The following DLGAP2 variants were observed in gnomAD, a reference collection of about 807,000 sequenced individuals.
DLGAP2 encodes DLG associated protein 2, also known as disks large-associated protein 2.
Under a neutral mutation model 100.3 loss-of-function variants are expected in DLGAP2, and 26 were observed. The observed-to-expected ratio is 0.26, with a 90% CI of 0.19 to 0.36. The LOEUF (loss-of-function observed/expected upper bound fraction) is 0.36. DLGAP2 is among the 10% of genes least tolerant of loss of function. The probability of loss-of-function intolerance (pLI) is 1.00; values close to 1 mark genes in which losing one functional copy is unlikely to be tolerated. For missense variants in DLGAP2, 1,858 were observed against 1,453.2 expected (o/e 1.28, Z -4.53); for synonymous variants, 886 against 630.1 (o/e 1.41, Z -6.08).
At position 1,584,498 on chromosome 8, in the gene DLGAP2, T is replaced by C. The variant is rs543161676; in HGVS notation, c.1442+18604T>C. ...TCCTCCACTACCGTGGGCTGCTGGC[T>C]CTTCATTTTTAGTTTCAGCTGGAGG... On this transcript the variant is annotated intron_variant, in intron 6 of 14. Transcript: ENST00000637795. 3.7e-3 allele frequency among the ~76,000 whole-genome samples: 560 copies of C among 152,252 alleles called. 6 individuals carry two copies. Among genetic ancestry groups the C allele is most frequent in the Non-Finnish European group, 1.6e-3 (110 of 68,022 alleles).
At chr8:901,695 G>A (rs568358235) in intron 1 of DLGAP2, among the ~76,000 whole-genome samples, 10 of 152,336 alleles carry the variant, frequency 6.6e-5, no homozygotes, top group Admixed American at 6.5e-4. Flanking sequence ...TGGAGAGGGA[G>A]ATCCAGCAAG....
At chr8:971,794 C>A (rs570449239) in intron 2 of DLGAP2, among the ~76,000 whole-genome samples, 1 of 152,234 alleles carries the variant, frequency 6.6e-6, no homozygotes, top group African/African-American at 2.4e-5. Flanking sequence ...TTTATGGGAT[C>A]CTAAGCAATG....
chr8:1,211,612 A>G (rs1459221027), intron 2 of DLGAP2, among the ~76,000 whole-genome samples: 1 of 152,224 alleles, frequency 6.6e-6, no homozygotes, highest in African/African-American at 2.4e-5. Flanking sequence ...ACAGTGGCAC[A>G]CGCCTGTAAT....
rs1821173664 is a variant in DLGAP2, at chr8:764,946, A to G, written c.18+27121A>G. ...CAAGGAGAAAAATGAATGATTCCTCAGCAACCAGAATAGATTCAATAAAGC... is the reference window on the plus strand; with the variant it reads ...CAAGGAGAAAAATGAATGATTCCTCGGCAACCAGAATAGATTCAATAAAGC... On this transcript the variant is annotated intron_variant, in intron 1 of 14. Coordinates refer to ENST00000637795, the MANE Select transcript of DLGAP2 (RefSeq NM_001346810.2). Among the ~76,000 whole-genome samples the G allele has an allele frequency of 2.0e-5, 3 of 152,276 alleles. No individual in the cohort carries two copies. The South Asian group carries it at 6.2e-4, about 31-fold the overall frequency.
intron 1 of DLGAP2, among the ~76,000 whole-genome samples, chr8:767,242 A>C (rs1404070762): frequency 6.6e-6 from 1 of 152,042 alleles, no homozygotes; most frequent in Non-Finnish European, 1.5e-5. Flanking sequence ...GGAAATAAAA[A>C]CACAGGAACA....
chr8:1,380,294 G>C (rs570448401), intron 3 of DLGAP2: 5 of 152,284 alleles, frequency 3.3e-5, no homozygotes, highest in African/African-American at 1.2e-4. Flanking sequence ...TGGCACCGAC[G>C]GGAGCTCAGG....
At chr8:846,158 T>G (rs1308725807) in intron 1 of DLGAP2, among the ~76,000 whole-genome samples, 1 of 152,214 alleles carries the variant, frequency 6.6e-6, no homozygotes, top group Non-Finnish European at 1.5e-5. Context: ...AAAACCTCTG[T>G]TTTAGCTATT....
At chr8:973,922 C>T (rs941662635) in intron 2 of DLGAP2, among the ~76,000 whole-genome samples, 16 of 151,152 alleles carry the variant, frequency 1.1e-4, no homozygotes, top group East Asian at 1.9e-4. Flanking sequence ...GCCGCCACCC[C>T]GGCTGGAGAG....
chr8:1,698,411 C>T (rs1459790143), intron 14 of DLGAP2, among the ~76,000 whole-genome samples: 4 of 150,296 alleles, frequency 2.7e-5, no homozygotes, highest in African/African-American at 9.8e-5. Context: ...CTAGGCAGGT[C>T]CAAGTAAGCC....
chr8:1,486,823 T>C (rs1254652237), intron 3 of DLGAP2, among the ~76,000 whole-genome samples: 1 of 152,202 alleles, frequency 6.6e-6, no homozygotes, highest in African/African-American at 2.4e-5. Flanking sequence ...GTAAAACACA[T>C]GCATTTATGC....
At chr8:1,028,378 C>A (rs1801877492) in intron 2 of DLGAP2, among the ~76,000 whole-genome samples, 1 of 147,148 alleles carries the variant, frequency 6.8e-6, no homozygotes, top group Admixed American at 6.7e-5. Flanking sequence ...GTGTCAGGCA[C>A]CCGTTATTCT....
chr8:778,941 TC>T (rs1821608587), intron 1 of DLGAP2, among the ~76,000 whole-genome samples: 1 of 152,204 alleles, frequency 6.6e-6, no homozygotes, highest in Non-Finnish European at 1.5e-5. Context: ...TCCCCCAGCC[TC>T]GCTGCCACCT....
Position 1,703,394 on chromosome 8 carries a change from C to A in DLGAP2, c.*1988C>A, listed in dbSNP as rs998966621. 3 of 152,436 alleles carry A rather than the reference C, an allele frequency of 2.0e-5. No homozygotes were observed. The highest frequency in any genetic ancestry group is 2.1e-4 in the South Asian group (1 of 4,826). The allele number at this position is 152,436 out of a possible 1,614,324, so 9.4% of individuals were successfully genotyped here. ...TTTCTACCTAAATGAATACCTAAAT[C>A]TTGAGTAGTGTACGGTAATGACGCT... On this transcript the variant is annotated 3_prime_UTR_variant, in exon 15 of 15. Transcript: ENST00000637795.
At chr8:1,152,461 T>C (rs753324198) in intron 2 of DLGAP2, among the ~76,000 whole-genome samples, 10 of 152,208 alleles carry the variant, frequency 6.6e-5, no homozygotes, top group Non-Finnish European at 1.3e-4. Context: ...ACTGGAAGAC[T>C]CTTCCTTCCT....
intron 2 of DLGAP2, among the ~76,000 whole-genome samples, chr8:1,031,039 G>A (rs973022998): frequency 6.6e-6 from 1 of 152,220 alleles, no homozygotes; most frequent in Non-Finnish European, 1.5e-5. Context: ...CCTGGTGGCT[G>A]CGGGTCTTCT....
intron 4 of DLGAP2, among the ~76,000 whole-genome samples, chr8:1,535,487 T>C (rs1159210781): frequency 6.6e-6 from 1 of 152,212 alleles, no homozygotes; most frequent in Non-Finnish European, 1.5e-5. Context: ...ATGTTGTTCA[T>C]GCTGTCAGAT....
chr8:1,155,039 G>C (rs1198803756), intron 2 of DLGAP2, among the ~76,000 whole-genome samples: 1 of 152,134 alleles, frequency 6.6e-6, no homozygotes, highest in African/African-American at 2.4e-5. Flanking sequence ...CATTCTCGCA[G>C]GCCTCTGCCT....
chr8:911,925 C>T (rs1798493458), intron 2 of DLGAP2, among the ~76,000 whole-genome samples: 1 of 152,172 alleles, frequency 6.6e-6, no homozygotes, highest in African/African-American at 2.4e-5. Context: ...GGCTTCCTTC[C>T]CTTGATTATT....
chr8:1,470,374 C>G (rs1458137939), intron 3 of DLGAP2, among the ~76,000 whole-genome samples: 1 of 152,170 alleles, frequency 6.6e-6, no homozygotes, highest in Non-Finnish European at 1.5e-5. Flanking sequence ...CAACCTGAGT[C>G]CACCACAGTG....
Sources: gnomAD v4.1 joint callset for allele counts (sites outside exome capture counted in the v4.1 genomes callset) on GRCh38, gnomAD v4.1.1 for gene constraint, MANE v1.5 for transcripts, NCBI Gene and HGNC (gene_info 2026-07-23, HGNC 2026-07-21) for gene names.